ADCY10: variants seen among roughly 807,000 people sequenced by gnomAD.
The protein encoded by ADCY10 is adenylate cyclase 10, also known as adenylate cyclase type 10.
In ADCY10, 156 loss-of-function variants were observed where a neutral mutation model predicts 183.3. The observed-to-expected ratio is 0.85, with a 90% CI of 0.75 to 0.97. The LOEUF is 0.97. ADCY10 is among the 50% of genes least tolerant of loss of function. ADCY10 has a pLI of 0.00. For missense variants in ADCY10, 1,745 were observed against 1,934.3 expected (o/e 0.90, Z 1.84); for synonymous variants, 645 against 670.0 (o/e 0.96, Z 0.58).
At chr1:167,896,515 T>C (rs1453444782) in intron 7 of ADCY10, 80 bp downstream of exon 7, 2 of 1,139,734 alleles carry the variant, frequency 1.8e-6, no homozygotes, top group South Asian at 1.2e-5. Flanking sequence ...CACCCACCAG[T>C]AATGAAGCTG....
At chr1:167,903,738 C>G (rs1571461733) in intron 3 of ADCY10, 149 bp downstream of exon 3, 1 of 659,582 alleles carries the variant, frequency 1.5e-6, no homozygotes, top group Non-Finnish European at 2.8e-6. Context: ...TATACTATAT[C>G]ATATTTCAAA....
chr1:167,871,064 CTTGTTTTTTT>C (rs951712546), intron 13 of ADCY10, among the ~76,000 whole-genome samples: 1 of 151,834 alleles, frequency 6.6e-6, no homozygotes, highest in African/African-American at 2.4e-5. Context: ...AACCCTAAAG[CTTGTTTTTTT>C]TTGTTTTTTG....
chr1:167,820,221 C>A lies in ADCY10; in HGVS notation c.4286+1803G>T, dbSNP rs1487865186. 4 of 1,543,326 alleles carry A rather than the reference C, an allele frequency of 2.6e-6. No individual in the cohort carries two copies. In the African/African-American group the frequency reaches 4.1e-5, roughly 16 times the overall value. ...GAGGCTGCGACGGCTTCTCCTCGTT[C>A]CACAGGGCCCACTGGGTCCTGGTCC... On this transcript the variant is annotated intron_variant, in intron 30 of 32. Transcript: ENST00000367851.
chr1:167,809,508 C>A lies in ADCY10; in HGVS notation c.*170G>T. On this transcript the variant is annotated 3_prime_UTR_variant, in exon 33 of 33. Coordinates refer to ENST00000367851, the MANE Select transcript of ADCY10 (RefSeq NM_018417.6). ...CATTAGGAAGAAGTAAACCATGACACTCCTGACCCTTGTAGGCCCTCCAGA... is the reference window on the plus strand; with the variant it reads ...CATTAGGAAGAAGTAAACCATGACAATCCTGACCCTTGTAGGCCCTCCAGA... 1.4e-6 allele frequency: 1 copy of A among 736,004 alleles called. No individual in the cohort carries two copies. Among genetic ancestry groups the A allele is most frequent in the Admixed American group, 2.6e-5 (1 of 38,680 alleles). The allele number at this position is 736,004 out of a possible 1,614,324, so 45.6% of individuals were successfully genotyped here.
intron 15 of ADCY10, 131 bp downstream of exon 15, chr1:167,860,740 G>A: frequency 1.3e-6 from 1 of 746,808 alleles, no homozygotes; most frequent in East Asian, 2.5e-5. Flanking sequence ...GAGAGGATTG[G>A]GAGCCATTTA....
At chr1:167,825,927 G>A (rs1413577633) in intron 26 of ADCY10, among the ~76,000 whole-genome samples, 3 of 152,210 alleles carry the variant, frequency 2.0e-5, no homozygotes, top group Admixed American at 6.5e-5. Flanking sequence ...TTCTAAAGAA[G>A]CAGTTTTATT....
chr1:167,847,215 C>T (rs1485279894), intron 19 of ADCY10, among the ~76,000 whole-genome samples: 1 of 152,038 alleles, frequency 6.6e-6, no homozygotes, highest in Non-Finnish European at 1.5e-5. Context: ...GTGTGAGCTA[C>T]TGCCTTCTTA....
At chr1:167,855,716 C>A (rs1370867525) in intron 17 of ADCY10, among the ~76,000 whole-genome samples, 1 of 152,164 alleles carries the variant, frequency 6.6e-6, no homozygotes, top group Non-Finnish European at 1.5e-5. Context: ...ATGGCTCCTT[C>A]AAAAGGTGGA....
chr1:167,839,371 CCTT>C (rs1375122228), intron 21 of ADCY10, among the ~76,000 whole-genome samples: 2 of 152,212 alleles, frequency 1.3e-5, no homozygotes, highest in African/African-American at 4.8e-5. Context: ...CTTCTTTTCT[CCTT>C]CTGGCATTAA....
chr1:167,837,053 C>A, intron 22 of ADCY10, 196 bp downstream of exon 22: 1 of 636,084 alleles, frequency 1.6e-6, no homozygotes. Context: ...AATAAAATAT[C>A]TTTAAAAACA....
intron 8 of ADCY10, among the ~76,000 whole-genome samples, chr1:167,893,568 G>T (rs2102355667): frequency 6.6e-6 from 1 of 151,856 alleles, no homozygotes; most frequent in Non-Finnish European, 1.5e-5. Flanking sequence ...CAAAAAGTTA[G>T]CTGGGTGTGG....
chr1:167,828,958 T>C (rs560874189), intron 26 of ADCY10, among the ~76,000 whole-genome samples: 107 of 152,054 alleles, frequency 7.0e-4, no homozygotes, highest in Non-Finnish European at 1.2e-3. Flanking sequence ...CAAGACTCCA[T>C]CTCAAAAAAA....
At chr1:167,868,894 A>G (rs1384798811) in intron 14 of ADCY10, among the ~76,000 whole-genome samples, 1 of 152,212 alleles carries the variant, frequency 6.6e-6, no homozygotes, top group Non-Finnish European at 1.5e-5. Flanking sequence ...AGAAATCATC[A>G]CTAATAAAAC....
chr1:167,836,163 T>C, intron 23 of ADCY10, 146 bp downstream of exon 23: 1 of 704,272 alleles, frequency 1.4e-6, no homozygotes, highest in Non-Finnish European at 2.6e-6. Context: ...TCATTTCCCT[T>C]CTAAGCAATG....
In ADCY10 at chr1:167,838,434, A is replaced by G. The variant is rs144751219; in HGVS notation, c.3008-1116T>C. On this transcript the variant is annotated intron_variant, in intron 21 of 32. Transcript: ENST00000367851. ...ATCCAAAGGCTACATCTTTGTCTGC[A>G]CTTGATTACCTCTCAGCAGCATTTA... 3.9e-5 allele frequency among the ~76,000 whole-genome samples: 6 copies of G among 152,332 alleles called. No individual in the cohort carries two copies. The East Asian group carries it at 1.2e-3, about 29-fold the overall frequency.
At chr1:167,846,993 T>C (rs1665083752) in intron 19 of ADCY10, among the ~76,000 whole-genome samples, 1 of 151,826 alleles carries the variant, frequency 6.6e-6, no homozygotes, top group Non-Finnish European at 1.5e-5. Flanking sequence ...ATGGCTGATC[T>C]CGGCTCACTG....
intron 19 of ADCY10, 89 bp downstream of exon 19, chr1:167,848,272 A>G: frequency 8.8e-7 from 1 of 1,135,438 alleles, no homozygotes; most frequent in Admixed American, 1.8e-5. Context: ...GCTGGTCTCA[A>G]ACTCCTGACC....
intron 12 of ADCY10, among the ~76,000 whole-genome samples, chr1:167,877,588 T>C (rs1272592055): frequency 6.6e-6 from 1 of 151,890 alleles, no homozygotes; most frequent in Admixed American, 6.6e-5. Flanking sequence ...AAGAAATAAT[T>C]AGTATCTTCA....
intron 17 of ADCY10, among the ~76,000 whole-genome samples, chr1:167,855,598 C>G (rs1229795041): frequency 1.3e-5 from 2 of 152,258 alleles, no homozygotes; most frequent in South Asian, 2.1e-4. Flanking sequence ...ACCCATACCC[C>G]CCATGATGAA....
Sources: gnomAD v4.1 joint callset for allele counts (sites outside exome capture counted in the v4.1 genomes callset) on GRCh38, gnomAD v4.1.1 for gene constraint, MANE v1.5 for transcripts, NCBI Gene and HGNC (gene_info 2026-07-23, HGNC 2026-07-21) for gene names.